The following RNLS variants were observed in gnomAD, a reference collection of about 807,000 sequenced individuals.
RNLS encodes the protein renalase, FAD dependent amine oxidase, also known as renalase.
Under a neutral mutation model 39.8 loss-of-function variants are expected in RNLS, and 39 were observed. That is an observed-to-expected ratio of 0.98 (90% confidence interval 0.76 to 1.28). The LOEUF is 1.28. RNLS is among the 50% of genes most tolerant of loss of function. The probability of loss-of-function intolerance (pLI) is 0.00; values close to 1 mark genes in which losing one functional copy is unlikely to be tolerated. For synonymous variants in RNLS, 147 were observed against 150.7 expected (o/e 0.98, Z 0.18); for missense variants, 410 against 413.3 (o/e 0.99, Z 0.07).
At chr10:88,562,560 G>T (rs1752835822) in intron 4 of RNLS, among the ~76,000 whole-genome samples, 1 of 152,086 alleles carries the variant, frequency 6.6e-6, no homozygotes, top group Admixed American at 6.6e-5. Flanking sequence ...AAATAGGTTT[G>T]TAAGGAATAA....
chr10:88,320,420 T>C (rs1247136000), intron 5 of RNLS, among the ~76,000 whole-genome samples: 1 of 150,874 alleles, frequency 6.6e-6, no homozygotes, highest in African/African-American at 2.4e-5. Flanking sequence ...AACAACACTA[T>C]GGCAGGAACA....
the RNLS span, among the ~76,000 whole-genome samples, chr10:88,198,637 T>A: frequency 6.6e-6 from 1 of 152,036 alleles, no homozygotes. Flanking sequence ...AGTGACTGAG[T>A]TCTCATGAGA....
the RNLS span, among the ~76,000 whole-genome samples, chr10:88,184,451 G>A: frequency 3.3e-5 from 5 of 152,214 alleles, no homozygotes; most frequent in East Asian, 9.6e-4. Flanking sequence ...ATCAGTATAG[G>A]TTTCTTTTTA....
chr10:88,311,180 A>C (rs919136483), intron 6 of RNLS, among the ~76,000 whole-genome samples: 3 of 152,356 alleles, frequency 2.0e-5, no homozygotes, highest in Admixed American at 6.5e-5. Context: ...GAAATTTACT[A>C]TAGTTTGAGA....
the RNLS span, among the ~76,000 whole-genome samples, chr10:88,202,281 C>A: frequency 3.2e-5 from 4 of 126,840 alleles, no homozygotes; most frequent in East Asian, 6.9e-4. Context: ...GGGAACATCA[C>A]ACACCGGGGC....
intron 4 of RNLS, among the ~76,000 whole-genome samples, chr10:88,385,105 A>G (rs777182259): frequency 1.8e-4 from 28 of 152,246 alleles, no homozygotes; most frequent in Non-Finnish European, 3.4e-4. Flanking sequence ...TGATTTAAGA[A>G]TGAGCTCAGC....
chr10:88,487,393 G>A (rs1045736530), intron 4 of RNLS, among the ~76,000 whole-genome samples: 2 of 137,810 alleles, frequency 1.5e-5, no homozygotes, highest in Non-Finnish European at 3.4e-5. Context: ...AAAATAAGAA[G>A]CAACTGGTTA....
the RNLS span, among the ~76,000 whole-genome samples, chr10:88,179,815 T>C: frequency 0.07 from 10,712 of 152,290 alleles, 441 homozygotes; most frequent in Middle Eastern, 0.11. Flanking sequence ...AAGTATTTGC[T>C]ATGTCTTTTA....
intron 4 of RNLS, among the ~76,000 whole-genome samples, chr10:88,420,119 A>G (rs1355451854): frequency 1.3e-5 from 2 of 151,838 alleles, no homozygotes; most frequent in Non-Finnish European, 2.9e-5. Context: ...AGAAGGTCCA[A>G]TCTTGGCTCT....
chr10:88,334,583 AATGTAG>A (rs1377614455), intron 5 of RNLS, among the ~76,000 whole-genome samples: 29 of 152,328 alleles, frequency 1.9e-4, no homozygotes, highest in African/African-American at 5.8e-4. Flanking sequence ...TTCAGAAAAC[AATGTAG>A]ATGGGAGGAA....
chr10:88,430,878 T>C (rs1329300981), intron 4 of RNLS, among the ~76,000 whole-genome samples: 1 of 151,720 alleles, frequency 6.6e-6, no homozygotes, highest in Non-Finnish European at 1.5e-5. Context: ...TGAATTAAAT[T>C]TGCTACAATG....
At chr10:88,498,386 G>T (rs183768796) in intron 4 of RNLS, among the ~76,000 whole-genome samples, 258 of 151,180 alleles carry the variant, frequency 1.7e-3, no homozygotes, top group African/African-American at 5.8e-3. Context: ...ATATACCAGG[G>T]TCATGAAAGA....
chr10:88,443,670 C>T (rs1014858107), intron 4 of RNLS, among the ~76,000 whole-genome samples: 21 of 152,354 alleles, frequency 1.4e-4, no homozygotes, highest in African/African-American at 3.4e-4. Context: ...AGATTATATC[C>T]CGTGCATGGC....
At chr10:88,354,001 A>C (rs1848940309) in intron 5 of RNLS, among the ~76,000 whole-genome samples, 1 of 152,016 alleles carries the variant, frequency 6.6e-6, no homozygotes, top group Admixed American at 6.6e-5. Context: ...TGTTGGTTTA[A>C]AGTCTGTTTT....
chr10:88,189,642 G>A, the RNLS span, among the ~76,000 whole-genome samples: 1 of 152,246 alleles, frequency 6.6e-6, no homozygotes, highest in African/African-American at 2.4e-5. Context: ...GCCTTGCACT[G>A]TGCCTGGCAT....
chr10:88,348,518 T>C lies in RNLS; in HGVS notation c.700+14034A>G, dbSNP rs536719914. On this transcript the variant is annotated intron_variant, in intron 5 of 6. Transcript: ENST00000331772. The stretch of plus-strand genomic sequence containing the variant: ...ATGTTGACACAAATGGGACTTAGGG[T>C]ATTTAATGTTTAAGACTCACGTTTT... Among the ~76,000 whole-genome samples the C allele has an allele frequency of 1.3e-4, 20 of 152,222 alleles. 1 individual carries two copies. Among genetic ancestry groups the C allele is most frequent in the African/African-American group, 4.3e-4 (18 of 41,534 alleles).
rs551178880 is a variant in RNLS at position 88,303,437 on chromosome 10, C to T, written c.876+11029G>A. On this transcript the variant is annotated intron_variant, in intron 6 of 6. Coordinates refer to ENST00000331772, the MANE Select transcript of RNLS (RefSeq NM_001031709.3). ...GGCCATGCCTGCTTGCAGGGCAGTC[C>T]CAGGTATCCTGCGGCCCTACACTAT... 8.5e-5 allele frequency among the ~76,000 whole-genome samples: 13 copies of T among 152,272 alleles called. 1 individual carries two copies. The highest frequency in any genetic ancestry group is 3.1e-4 in the African/African-American group (13 of 41,562).
In RNLS at chr10:88,431,538, T is replaced by C. The variant is rs191416933; in HGVS notation, c.527-68813A>G. 4.8e-4 allele frequency among the ~76,000 whole-genome samples: 73 copies of C among 151,874 alleles called. 2 individuals are homozygous for C. Among genetic ancestry groups the C allele is most frequent in the Admixed American group, 2.4e-3 (36 of 15,228 alleles). On this transcript the variant is annotated intron_variant, in intron 4 of 6. Coordinates refer to ENST00000331772, the MANE Select transcript of RNLS (RefSeq NM_001031709.3). ...ATTTTGGGCTTTCTTTGCTCTTTAA[T>C]TTCTATCTTCCTGAGGTAGAAAATG...
chr10:88,229,011 A>G, the RNLS span, among the ~76,000 whole-genome samples: 11 of 152,260 alleles, frequency 7.2e-5, no homozygotes, highest in South Asian at 1.7e-3. Flanking sequence ...TCCTCAGTCA[A>G]TCAATCAATC....
Sources: gnomAD v4.1 joint callset for allele counts (sites outside exome capture counted in the v4.1 genomes callset) on GRCh38, gnomAD v4.1.1 for gene constraint, MANE v1.5 for transcripts, NCBI Gene and HGNC (gene_info 2026-07-23, HGNC 2026-07-21) for gene names.